The following SPATA13 variants were observed in gnomAD, a reference collection of about 807,000 sequenced individuals.
The protein encoded by SPATA13 is spermatogenesis-associated protein 13.
In SPATA13, 50 loss-of-function variants were observed where a neutral mutation model predicts 104.0. The observed-to-expected ratio is 0.48, with a 90% CI of 0.38 to 0.61. SPATA13 has a LOEUF of 0.61. SPATA13 is among the 20% of genes least tolerant of loss of function. SPATA13 has a pLI of 0.00. For synonymous variants in SPATA13, 606 were observed against 667.5 expected (o/e 0.91, Z 1.42); for missense variants, 1,524 against 1,690.6 (o/e 0.90, Z 1.73).
chr13:24,026,153 G>A (rs528993600), intron 3 of SPATA13, among the ~76,000 whole-genome samples: 71 of 152,256 alleles, frequency 4.7e-4, no homozygotes, highest in Middle Eastern at 3.4e-3. Context: ...TCCCCTCAAA[G>A]TATGATTTTT....
upstream of SPATA13, among the ~76,000 whole-genome samples, chr13:24,158,023 G>A (rs1882314685): frequency 6.6e-6 from 1 of 152,198 alleles, no homozygotes; most frequent in Non-Finnish European, 1.5e-5. Context: ...TTAAGGGAAA[G>A]ACACATTCTA....
intron 10 of SPATA13, among the ~76,000 whole-genome samples, chr13:24,295,957 G>A (rs540764365): frequency 1.6e-4 from 25 of 152,218 alleles, no homozygotes; most frequent in African/African-American, 4.1e-4. Flanking sequence ...TTCAAAGTCC[G>A]TGCTGGTGAT....
chr13:24,168,538 C>T (rs909864293), intron 1 of SPATA13, among the ~76,000 whole-genome samples: 1 of 152,134 alleles, frequency 6.6e-6, no homozygotes, highest in Non-Finnish European at 1.5e-5. Flanking sequence ...AAGCAAAACT[C>T]TACCGCTGGG....
chr13:24,194,395 G>T (rs1869934516), intron 1 of SPATA13, among the ~76,000 whole-genome samples: 1 of 152,210 alleles, frequency 6.6e-6, no homozygotes, highest in Admixed American at 6.5e-5. Flanking sequence ...AGAGGAAAAT[G>T]TCCAGGCTCT....
In SPATA13 at chr13:24,100,537, G is replaced by T. The variant is rs186487735; in HGVS notation, c.-112+82836G>T. On this transcript the variant is annotated intron_variant, in intron 3 of 14. Transcript: ENST00000424834. ...TGGCCTTTTTCCTTCATCTTGTAGT[G>T]ATGGAATGTTCTGACACATGAAGAT... Among the ~76,000 whole-genome samples, 1,445 of 152,246 alleles carry T rather than the reference G, an allele frequency of 9.5e-3. 31 individuals are homozygous for T. The highest frequency in any genetic ancestry group is 0.032 in the African/African-American group (1,347 of 41,532).
intron 2 of SPATA13, among the ~76,000 whole-genome samples, chr13:24,001,345 G>T (rs370302813): frequency 4.6e-5 from 7 of 152,156 alleles, no homozygotes; most frequent in African/African-American, 1.7e-4. Context: ...TCGTGGGAAG[G>T]CTGCAGGAGT....
intron 3 of SPATA13, among the ~76,000 whole-genome samples, chr13:24,130,197 G>A (rs1881349007): frequency 6.6e-6 from 1 of 152,226 alleles, no homozygotes; most frequent in Admixed American, 6.5e-5. Context: ...ATTCAGGGCA[G>A]TCACAAGCCC....
chr13:24,142,787 G>A (rs916490553), intron 3 of SPATA13, among the ~76,000 whole-genome samples: 4 of 151,240 alleles, frequency 2.6e-5, no homozygotes, highest in African/African-American at 9.7e-5. Flanking sequence ...CATTTGGTAG[G>A]TCACTCAAAA....
chr13:24,207,710 T>G (rs1447128163), intron 1 of SPATA13, among the ~76,000 whole-genome samples: 2 of 152,222 alleles, frequency 1.3e-5, no homozygotes, highest in African/African-American at 4.8e-5. Context: ...AAAGATAAAC[T>G]ATGCAACTGT....
intron 3 of SPATA13, among the ~76,000 whole-genome samples, chr13:24,102,109 G>A (rs1319652790): frequency 1.3e-5 from 2 of 152,092 alleles, no homozygotes; most frequent in Non-Finnish European, 2.9e-5. Context: ...CAGCGCGTAG[G>A]GTTCCAATTT....
intron 4 of SPATA13, among the ~76,000 whole-genome samples, chr13:24,282,625 C>G (rs1875627758): frequency 6.6e-6 from 1 of 152,210 alleles, no homozygotes; most frequent in Non-Finnish European, 1.5e-5. Flanking sequence ...TGTGTTCTCC[C>G]CAGCTGGCTT....
intron 2 of SPATA13, 73 bp downstream of exon 2, chr13:24,224,655 T>C: frequency 6.7e-7 from 1 of 1,486,868 alleles, no homozygotes; most frequent in Non-Finnish European, 9.1e-7. Flanking sequence ...GTGTTGCCCT[T>C]GGTCCCTAAC....
chr13:24,024,356 CGG>C lies in SPATA13; in HGVS notation c.-112+6656_-112+6657del, dbSNP rs546641335. Among the ~76,000 whole-genome samples, 27 of 150,996 alleles carry C rather than the reference CGG, an allele frequency of 1.8e-4. No individual in the cohort carries two copies. The East Asian group carries it at 5.4e-3, about 30-fold the overall frequency. On this transcript the variant is annotated intron_variant, in intron 3 of 14. Transcript: ENST00000424834. ...TTGGATGGATGGATGAATGGATGGA[CGG>C]ATGGATGGATGGATGGATGGATGGA...
chr13:24,140,585 T>G (rs1268395544), intron 3 of SPATA13, among the ~76,000 whole-genome samples: 3 of 152,162 alleles, frequency 2.0e-5, no homozygotes, highest in African/African-American at 7.2e-5. Flanking sequence ...TCTTCAAAGC[T>G]CAGTCTCATG....
At chr13:24,070,541 T>A (rs9553158) in intron 3 of SPATA13, among the ~76,000 whole-genome samples, 21,922 of 152,210 alleles carry the variant, frequency 0.14, 1,933 homozygotes, top group East Asian at 0.3. Flanking sequence ...ACTTTGGGAC[T>A]ATGTGTTTAT....
Position 24,063,653 on chromosome 13 carries a change from C to T in SPATA13, c.-112+45952C>T, listed in dbSNP as rs527680108. Reference sequence around the variant, plus strand: ...TTCCCTGAGCCCACTCAAGTGGGGGCGGCTCCTTCTCCCACATCCTCTTCA... The same window carrying T: ...TTCCCTGAGCCCACTCAAGTGGGGGTGGCTCCTTCTCCCACATCCTCTTCA... On this transcript the variant is annotated intron_variant, in intron 3 of 14. Transcript: ENST00000424834. Among the ~76,000 whole-genome samples the T allele has an allele frequency of 3.9e-5, 6 of 152,208 alleles. No individual in the cohort carries two copies. The South Asian group carries it at 8.3e-4, about 21-fold the overall frequency.
intron 4 of SPATA13, among the ~76,000 whole-genome samples, chr13:24,265,897 A>T (rs1874276879): frequency 6.6e-6 from 1 of 152,242 alleles, no homozygotes; most frequent in Admixed American, 6.5e-5. Flanking sequence ...GGGAAGCTGC[A>T]GCAGGTGGGA....
intron 3 of SPATA13, among the ~76,000 whole-genome samples, chr13:24,129,905 G>C (rs546626040): frequency 6.6e-6 from 1 of 152,266 alleles, no homozygotes; most frequent in East Asian, 1.9e-4. Context: ...TTAGGACCTC[G>C]CAGGACCCTG....
intron 3 of SPATA13, among the ~76,000 whole-genome samples, chr13:24,084,656 CA>C (rs1176423968): frequency 1.3e-5 from 2 of 152,110 alleles, no homozygotes; most frequent in East Asian, 3.9e-4. Context: ...ACCAGGTGTT[CA>C]GGGGGCACAC....
Sources: allele counts gnomAD v4.1 joint callset (sites outside exome capture counted in the v4.1 genomes callset), GRCh38; gene constraint gnomAD v4.1.1; transcripts MANE v1.5; gene names NCBI Gene and HGNC (gene_info 2026-07-23, HGNC 2026-07-21).